CEP63: variants seen among roughly 807,000 people sequenced by gnomAD.
CEP63 encodes centrosomal protein of 63 kDa.
A neutral mutation model predicts 89.1 loss-of-function variants in CEP63; 84 were observed. That is an observed-to-expected ratio of 0.94 (90% CI 0.79 to 1.13). The LOEUF is 1.13. Ranked by LOEUF, CEP63 falls within the 50% of genes most tolerant of loss-of-function variation. The probability of loss-of-function intolerance (pLI) is 0.00; values close to 1 mark genes in which losing one functional copy is unlikely to be tolerated. For missense variants in CEP63, 838 were observed against 813.3 expected (o/e 1.03, Z -0.37); for synonymous variants, 267 against 272.5 (o/e 0.98, Z 0.20).
chr3:134,535,200 G>A (rs1950542017), intron 5 of CEP63: 1 of 152,054 alleles, frequency 6.6e-6, no homozygotes. Context: ...CTTGTCTCCA[G>A]TTCCTCTTGT....
the CEP63 span, among the ~76,000 whole-genome samples, chr3:134,680,746 G>C: frequency 6.6e-6 from 1 of 152,206 alleles, no homozygotes; most frequent in African/African-American, 2.4e-5. Flanking sequence ...TCCTTATCGA[G>C]CTAGTGGCTC....
chr3:134,494,774 G>T (rs1576725011), intron 1 of CEP63, among the ~76,000 whole-genome samples: 2 of 152,194 alleles, frequency 1.3e-5, no homozygotes, highest in Non-Finnish European at 2.9e-5. Flanking sequence ...CTGCCTTTCG[G>T]TGGAGAGAGG....
the CEP63 span, among the ~76,000 whole-genome samples, chr3:134,762,848 C>T: frequency 6.6e-6 from 1 of 152,126 alleles, no homozygotes; most frequent in Non-Finnish European, 1.5e-5. Flanking sequence ...CCCACAGAAA[C>T]AAAAAACAAC....
At chr3:134,588,830 GA>G (rs1026428542), downstream of CEP63, among the ~76,000 whole-genome samples, 2 of 151,526 alleles carry the variant, frequency 1.3e-5, no homozygotes, top group Non-Finnish European at 2.9e-5. Context: ...GACTTATCAA[GA>G]AAAAAATGTA....
Position 134,564,849 on chromosome 3 carries a change from G to A in CEP63, c.*3314G>A, listed in dbSNP as rs1031430602. On this transcript the variant is annotated 3_prime_UTR_variant, in exon 15 of 15. Transcript: ENST00000675561. Reference sequence around the variant, plus strand: ...AACAATGACAGACTCTGTAGTCACCGGAAATACTTAAGGAATCATGAGGTA... The same window carrying A: ...AACAATGACAGACTCTGTAGTCACCAGAAATACTTAAGGAATCATGAGGTA... The A allele has an allele frequency of 7.1e-6, 7 of 985,042 alleles. No individual in the cohort carries two copies. Among genetic ancestry groups the A allele is most frequent in the African/African-American group, 1.7e-5 (1 of 57,198 alleles). 61.0% of individuals were successfully genotyped at this position (985,042 alleles called of 1,614,324 possible).
At chr3:134,650,440 T>C in the CEP63 span, among the ~76,000 whole-genome samples, 1 of 152,130 alleles carries the variant, frequency 6.6e-6, no homozygotes, top group Non-Finnish European at 1.5e-5. Flanking sequence ...TGCCCTGCAG[T>C]GTGCTGTGGG....
At chr3:134,743,252 A>G in the CEP63 span, among the ~76,000 whole-genome samples, 1 of 152,100 alleles carries the variant, frequency 6.6e-6, no homozygotes, top group African/African-American at 2.4e-5. Context: ...TTGTTGGGTG[A>G]GTATTCTGTC....
At chr3:134,537,676 C>T (rs1212506360) in intron 6 of CEP63, among the ~76,000 whole-genome samples, 4 of 152,178 alleles carry the variant, frequency 2.6e-5, no homozygotes, top group Non-Finnish European at 5.9e-5. Flanking sequence ...CCATTCCTCC[C>T]TCTGTCTCCT....
At chr3:134,767,468 C>T in the CEP63 span, among the ~76,000 whole-genome samples, 11 of 152,298 alleles carry the variant, frequency 7.2e-5, no homozygotes, top group African/African-American at 2.6e-4. Context: ...ATCAAGATTC[C>T]AGACTAGCAG....
chr3:134,771,487 A>G, the CEP63 span, among the ~76,000 whole-genome samples: 1 of 152,184 alleles, frequency 6.6e-6, no homozygotes, highest in Admixed American at 6.6e-5. Context: ...CCCCACCCCC[A>G]AAGTTTCTGA....
At chr3:134,549,231 G>A in intron 10 of CEP63, 55 bp downstream of exon 10, 2 of 1,106,664 alleles carry the variant, frequency 1.8e-6, no homozygotes, top group Non-Finnish European at 2.8e-6. Context: ...GGACAAAGCT[G>A]TGGATTGGGA....
chr3:134,747,736 C>A, the CEP63 span, among the ~76,000 whole-genome samples: 4 of 152,138 alleles, frequency 2.6e-5, no homozygotes, highest in African/African-American at 9.7e-5. Flanking sequence ...GCCATATCAG[C>A]CCTTAATCTA....
At chr3:134,622,103 C>T in the CEP63 span, among the ~76,000 whole-genome samples, 4 of 152,276 alleles carry the variant, frequency 2.6e-5, no homozygotes, top group South Asian at 2.1e-4. Flanking sequence ...AACTCTTGTA[C>T]GATGCTAGTG....
At chr3:134,586,428 A>C (rs965944201) in intron 10 of CEP63, among the ~76,000 whole-genome samples, 4 of 152,054 alleles carry the variant, frequency 2.6e-5, no homozygotes, top group Non-Finnish European at 5.9e-5. Flanking sequence ...TCTGTAAAGG[A>C]TTTTATTTCT....
chr3:134,591,929 A>G (rs1958605321), downstream of CEP63, among the ~76,000 whole-genome samples: 2 of 152,010 alleles, frequency 1.3e-5, no homozygotes, highest in Non-Finnish European at 1.5e-5. Flanking sequence ...AGATACTAAA[A>G]TGCTCTATTA....
At chr3:134,706,649 G>A in the CEP63 span, among the ~76,000 whole-genome samples, 1 of 152,248 alleles carries the variant, frequency 6.6e-6, no homozygotes, top group East Asian at 1.9e-4. Context: ...TCCTAGGGCC[G>A]CCTTAACAAA....
rs544307188 is a variant in CEP63 at position 134,531,904 on chromosome 3, G to A, written c.282G>A (p.Met94Ile). The change falls in exon 4 of 15, where the codon ATG becomes ATA. Residue 94 changes from methionine (M) to isoleucine (I), a missense_variant. Transcript: ENST00000675561. The part of the protein sequence containing the change: ...EHEKIKQEMT[M>I]EYKQELKKLH... Reference sequence around the variant, plus strand: ...AAAAAATCAAGCAAGAGATGACCATGGAATATAAGCAGGAGTTGAAGAAAC... The same window carrying A: ...AAAAAATCAAGCAAGAGATGACCATAGAATATAAGCAGGAGTTGAAGAAAC... The A allele has an allele frequency of 2.9e-5, 46 of 1,613,430 alleles. 2 individuals are homozygous for A. The South Asian group carries it at 4.8e-4, about 17-fold the overall frequency.
the CEP63 span, among the ~76,000 whole-genome samples, chr3:134,728,225 G>C: frequency 6.6e-6 from 1 of 152,186 alleles, no homozygotes; most frequent in Non-Finnish European, 1.5e-5. Context: ...GTGAGCGTCA[G>C]TGCCCAGCCT....
intron 3 of CEP63, among the ~76,000 whole-genome samples, chr3:134,525,822 C>T (rs1948530856): frequency 6.6e-6 from 1 of 152,136 alleles, no homozygotes; most frequent in Admixed American, 6.5e-5. Context: ...GTCTGATATT[C>T]CCTTTATAGG....
Sources: gnomAD v4.1 joint callset for allele counts (sites outside exome capture counted in the v4.1 genomes callset) on GRCh38, gnomAD v4.1.1 for gene constraint, MANE v1.5 for transcripts, NCBI Gene and HGNC (gene_info 2026-07-23, HGNC 2026-07-21) for gene names.